The following EXOC6B variants were observed in gnomAD, a reference collection of about 807,000 sequenced individuals.
The protein encoded by EXOC6B is SEC15 homolog B.
Under a neutral mutation model 113.5 loss-of-function variants are expected in EXOC6B, and 54 were observed. The ratio of observed to expected loss-of-function variants is 0.48; its 90% CI spans 0.38 to 0.60. The LOEUF (loss-of-function observed/expected upper bound fraction) is 0.60, where lower values mean the gene tolerates loss of function less well. Among genes scored for constraint, EXOC6B ranks in the 20% least tolerant of loss-of-function variants. The pLI is 0.00. For synonymous variants in EXOC6B, 357 were observed against 339.0 expected (o/e 1.05, Z -0.58); for missense variants, 797 against 977.5 (o/e 0.82, Z 2.46).
intron 1 of EXOC6B, among the ~76,000 whole-genome samples, chr2:72,746,141 G>C (rs1681680006): frequency 2.0e-5 from 3 of 152,166 alleles, no homozygotes; most frequent in Middle Eastern, 3.4e-3. Context: ...CTATTAGAAA[G>C]CAGGATCTTG....
chr2:72,401,507 A>ATG (rs1414649588), intron 18 of EXOC6B, among the ~76,000 whole-genome samples: 5 of 51,476 alleles, frequency 9.7e-5, no homozygotes, highest in African/African-American at 3.5e-4. Flanking sequence ...ATATATATAT[A>ATG]TATATATACA....
chr2:72,370,379 T>C (rs1690923323), intron 19 of EXOC6B, among the ~76,000 whole-genome samples: 1 of 152,100 alleles, frequency 6.6e-6, no homozygotes, highest in Non-Finnish European at 1.5e-5. Context: ...CTGGAGAGGA[T>C]GTGGAGAAAT....
intron 6 of EXOC6B, among the ~76,000 whole-genome samples, chr2:72,707,661 C>A (rs1664688005): frequency 6.6e-6 from 1 of 152,088 alleles, no homozygotes; most frequent in Non-Finnish European, 1.5e-5. Flanking sequence ...ATCCACCTGC[C>A]TCAGCCTCCC....
chr2:72,605,825 C>A lies in EXOC6B; in HGVS notation c.670-30157G>T, dbSNP rs979004834. On this transcript the variant is annotated intron_variant, in intron 6 of 21. Transcript: ENST00000272427. ...ACACGTAAAGAAAATGTAACTAAAACAAACCTTCTTTGTAACTGAATTAAT... is the reference window on the plus strand; with the variant it reads ...ACACGTAAAGAAAATGTAACTAAAAAAAACCTTCTTTGTAACTGAATTAAT... Among the ~76,000 whole-genome samples, 3 of 152,132 alleles carry A rather than the reference C, an allele frequency of 2.0e-5. No homozygotes were observed. In the East Asian group the frequency reaches 5.8e-4, roughly 29 times the overall value.
intron 6 of EXOC6B, among the ~76,000 whole-genome samples, chr2:72,648,257 G>A (rs1368819144): frequency 1.3e-5 from 2 of 152,106 alleles, no homozygotes; most frequent in Non-Finnish European, 2.9e-5. Context: ...TTGGAATGGC[G>A]ATCATTTAAA....
At chr2:72,488,255 C>T (rs1021962121) in intron 16 of EXOC6B, among the ~76,000 whole-genome samples, 2 of 151,958 alleles carry the variant, frequency 1.3e-5, no homozygotes, top group Non-Finnish European at 2.9e-5. Context: ...TGGCTCCTTC[C>T]CAATCTCCTT....
intron 20 of EXOC6B, among the ~76,000 whole-genome samples, chr2:72,256,410 G>A (rs1257914979): frequency 6.6e-6 from 1 of 152,218 alleles, no homozygotes; most frequent in East Asian, 1.9e-4. Flanking sequence ...AGTGAGTTCA[G>A]TTCATAGAAA....
At chr2:72,729,164 A>G (rs750054573) in intron 5 of EXOC6B, among the ~76,000 whole-genome samples, 3 of 152,170 alleles carry the variant, frequency 2.0e-5, no homozygotes, top group Non-Finnish European at 4.4e-5. Context: ...TATAAATATT[A>G]AAAGCACAGA....
chr2:72,825,999 C>A lies in EXOC6B; in HGVS notation c.-89G>T. The A allele has an allele frequency of 6.6e-7, 1 of 1,509,948 alleles. No homozygotes were observed. The highest frequency in any genetic ancestry group is 1.2e-5 in the South Asian group (1 of 80,288). The allele number at this position is 1,509,948 out of a possible 1,614,324, so 93.5% of individuals were successfully genotyped here. A position where few individuals can be genotyped will look rare whatever the true frequency, so the allele number is the denominator to read the frequency against. Reference sequence around the variant, plus strand: ...AATGCCGCTCCCACCACAGGCTCCACAGCCGCCCCAGCCTCTGGCTACCCG... The same window carrying A: ...AATGCCGCTCCCACCACAGGCTCCAAAGCCGCCCCAGCCTCTGGCTACCCG... On this transcript the variant is annotated 5_prime_UTR_variant, in exon 1 of 22. Coordinates refer to ENST00000272427, the MANE Select transcript of EXOC6B (RefSeq NM_015189.3). This position sits in a 1 kb window ranked among gnomAD's most constrained non-coding sequence, Gnocchi z 4.4.
At chr2:72,476,965 T>C in intron 17 of EXOC6B, among the ~76,000 whole-genome samples, 1 of 152,322 alleles carries the variant, frequency 6.6e-6, no homozygotes, top group East Asian at 1.9e-4. Context: ...CAACTTGTAC[T>C]TGTCTGGGAA....
At chr2:72,189,416 T>C (rs971566094) in intron 20 of EXOC6B, among the ~76,000 whole-genome samples, 1 of 152,170 alleles carries the variant, frequency 6.6e-6, no homozygotes, top group Non-Finnish European at 1.5e-5. Flanking sequence ...CAAATGCTCA[T>C]TTTTCCCTCA....
intron 11 of EXOC6B, among the ~76,000 whole-genome samples, chr2:72,511,533 G>A (rs1330076768): frequency 6.6e-6 from 1 of 152,052 alleles, no homozygotes; most frequent in African/African-American, 2.4e-5. Flanking sequence ...TACTAGACTA[G>A]CCTAGTAATT....
At chr2:72,199,897 A>G (rs1232664994) in intron 20 of EXOC6B, among the ~76,000 whole-genome samples, 3 of 151,658 alleles carry the variant, frequency 2.0e-5, no homozygotes, top group Admixed American at 6.6e-5. Flanking sequence ...GGAGGTTTTT[A>G]TTTTTATTTT....
chr2:72,814,319 T>C (rs1390367551), intron 1 of EXOC6B, among the ~76,000 whole-genome samples: 1 of 152,240 alleles, frequency 6.6e-6, no homozygotes, highest in East Asian at 1.9e-4. Context: ...ATGATAGAAC[T>C]GTTATAAAAG....
chr2:72,196,033 T>TA (rs1175115804), intron 20 of EXOC6B, among the ~76,000 whole-genome samples: 2 of 152,312 alleles, frequency 1.3e-5, no homozygotes, highest in African/African-American at 4.8e-5. Context: ...ACTCAATGTC[T>TA]AATTATAATT....
intron 20 of EXOC6B, among the ~76,000 whole-genome samples, chr2:72,298,398 C>CCTGAATACA (rs1686284580): frequency 6.6e-6 from 1 of 152,050 alleles, no homozygotes; most frequent in Non-Finnish European, 1.5e-5. Context: ...TGAGATGGAT[C>CCTGAATACA]TCCTGAATAC....
At chr2:72,479,815 T>C (rs1698967885) in intron 17 of EXOC6B, among the ~76,000 whole-genome samples, 2 of 152,190 alleles carry the variant, frequency 1.3e-5, no homozygotes, top group Admixed American at 6.5e-5. Flanking sequence ...GATCCAGCTC[T>C]GGATCAAAAC....
chr2:72,317,319 A>G (rs1161440902), intron 20 of EXOC6B, among the ~76,000 whole-genome samples: 1 of 152,100 alleles, frequency 6.6e-6, no homozygotes, highest in East Asian at 1.9e-4. Flanking sequence ...TCCCATCCCC[A>G]AAACCTATCG....
At chr2:72,433,802 G>C (rs769239408) in intron 18 of EXOC6B, among the ~76,000 whole-genome samples, 3 of 152,096 alleles carry the variant, frequency 2.0e-5, no homozygotes, top group Non-Finnish European at 2.9e-5. Flanking sequence ...TGAGTTTTTG[G>C]GCTGAGACGA....
Sources: gnomAD v4.1 joint callset for allele counts (sites outside exome capture counted in the v4.1 genomes callset) on GRCh38, gnomAD v4.1.1 for gene constraint, Gnocchi (gnomAD v3.1) non-coding constraint, MANE v1.5 for transcripts, NCBI Gene and HGNC (gene_info 2026-07-23, HGNC 2026-07-21) for gene names.